DCDC2: variants seen among roughly 807,000 people sequenced by gnomAD.
The protein encoded by DCDC2 is doublecortin domain-containing protein 2.
Under a neutral mutation model 50.2 loss-of-function variants are expected in DCDC2, and 40 were observed. The observed-to-expected ratio is 0.80, with a 90% CI of 0.62 to 1.04. The LOEUF (loss-of-function observed/expected upper bound fraction) is 1.04, where lower values mean the gene tolerates loss of function less well. DCDC2 is among the 50% of genes least tolerant of loss of function. The pLI, the probability that DCDC2 is intolerant of heterozygous loss-of-function variation, is 0.00. For synonymous variants in DCDC2, 234 were observed against 210.6 expected, an observed-to-expected ratio of 1.11 and a Z score of -0.96; for missense variants, 570 against 581.9, an observed-to-expected ratio of 0.98 and a Z score of 0.21.
At chr6:24,221,002 T>C (rs1762107946) in intron 7 of DCDC2, among the ~76,000 whole-genome samples, 2 of 78,928 alleles carry the variant, frequency 2.5e-5, no homozygotes, top group South Asian at 6.8e-4. Context: ...GAGAACAGCA[T>C]GCAGGAACTG....
At chr6:24,304,249 G>A (rs1333132946) in intron 2 of DCDC2, among the ~76,000 whole-genome samples, 1 of 152,186 alleles carries the variant, frequency 6.6e-6, no homozygotes, top group African/African-American at 2.4e-5. Flanking sequence ...TTGGGAGGCT[G>A]AGGCAGGTGG....
intron 4 of DCDC2, among the ~76,000 whole-genome samples, chr6:24,291,389 A>AG (rs957319454): frequency 3.8e-4 from 58 of 152,102 alleles, no homozygotes; most frequent in Middle Eastern, 3.4e-3. Flanking sequence ...ATTTTAGAGG[A>AG]GAAAAATTAA....
intron 7 of DCDC2, among the ~76,000 whole-genome samples, chr6:24,240,176 A>G (rs1762534783): frequency 6.6e-6 from 1 of 152,238 alleles, no homozygotes; most frequent in African/African-American, 2.4e-5. Flanking sequence ...CAACTAGTGT[A>G]GCTACTGACT....
intron 7 of DCDC2, among the ~76,000 whole-genome samples, chr6:24,211,089 G>T (rs1027492950): frequency 7.2e-5 from 11 of 152,036 alleles, no homozygotes; most frequent in African/African-American, 2.7e-4. Context: ...CACTTACTGT[G>T]TTTGTCAGTT....
chr6:24,232,034 CACAT>C lies in DCDC2; in HGVS notation c.923-26936_923-26933del, dbSNP rs1561899863. Among the ~76,000 whole-genome samples the C allele has an allele frequency of 1.4e-4, 20 of 146,964 alleles. 1 individual carries two copies. In the Middle Eastern group the frequency reaches 0.028, roughly 208 times the overall value. ...ACACACACACACACACACACATACACACATACATACATATAACTAAAATGCTCAA... is the reference window on the plus strand; with the variant it reads ...ACACACACACACACACACACATACACACATACATATAACTAAAATGCTCAA... On this transcript the variant is annotated intron_variant, in intron 7 of 9. Coordinates refer to ENST00000378454, the MANE Select transcript of DCDC2 (RefSeq NM_016356.5).
At chr6:24,235,940 A>G (rs1762432615) in intron 7 of DCDC2, among the ~76,000 whole-genome samples, 1 of 152,254 alleles carries the variant, frequency 6.6e-6, no homozygotes, top group Non-Finnish European at 1.5e-5. Flanking sequence ...TACACTGCTG[A>G]AAGAAATCAT....
chr6:24,207,256 T>TTCTCTCTCTCTCTC (rs60603298), intron 7 of DCDC2, among the ~76,000 whole-genome samples: 4,509 of 129,488 alleles, frequency 0.035, 114 homozygotes, highest in East Asian at 0.088. Context: ...CCATCTATCT[T>TTCTCTCTCTCTCTC]TCTCTCTCTC....
chr6:24,256,816 T>C (rs1274721014), intron 7 of DCDC2, among the ~76,000 whole-genome samples: 1 of 152,204 alleles, frequency 6.6e-6, no homozygotes, highest in East Asian at 1.9e-4. Context: ...AATTTTACAT[T>C]ATAAATTGAG....
At chr6:24,306,282 T>A (rs1394769213) in intron 2 of DCDC2, among the ~76,000 whole-genome samples, 1 of 152,138 alleles carries the variant, frequency 6.6e-6, no homozygotes, top group Non-Finnish European at 1.5e-5. Flanking sequence ...TTTGACTTTG[T>A]CATTTGGTGA....
At chr6:24,191,538 G>A (rs140897104) in intron 8 of DCDC2, among the ~76,000 whole-genome samples, 1,874 of 152,254 alleles carry the variant, frequency 0.012, 23 homozygotes, top group Non-Finnish European at 0.018. Context: ...TACAGCCTGT[G>A]GAAGTCTGAA....
chr6:24,230,880 C>A (rs1762325189), intron 7 of DCDC2, among the ~76,000 whole-genome samples: 1 of 152,242 alleles, frequency 6.6e-6, no homozygotes, highest in Non-Finnish European at 1.5e-5. Context: ...TCTTCTACCA[C>A]TATCTTCATT....
chr6:24,277,405 C>T (rs919149771), intron 7 of DCDC2, among the ~76,000 whole-genome samples: 7 of 152,170 alleles, frequency 4.6e-5, no homozygotes, highest in Admixed American at 3.9e-4. Context: ...AACCAAAAGT[C>T]GCCCCTCTTA....
chr6:24,215,733 C>T (rs71555135), intron 7 of DCDC2, among the ~76,000 whole-genome samples: 367 of 152,216 alleles, frequency 2.4e-3, no homozygotes, highest in Middle Eastern at 6.8e-3. Context: ...CAGGACGCTC[C>T]GAAGCATAGG....
At chr6:24,209,784 G>A (rs1420421159) in intron 7 of DCDC2, among the ~76,000 whole-genome samples, 1 of 152,086 alleles carries the variant, frequency 6.6e-6, no homozygotes, top group Non-Finnish European at 1.5e-5. Flanking sequence ...GTGAGCTCTT[G>A]GGAAAAGTAA....
upstream of DCDC2, among the ~76,000 whole-genome samples, chr6:24,359,504 T>A (rs562469682): frequency 2.0e-5 from 2 of 100,328 alleles, no homozygotes; most frequent in African/African-American, 8.1e-5. Flanking sequence ...TTATATATAT[T>A]TTATATATTA....
chr6:24,197,281 T>A (rs540983518), intron 8 of DCDC2, among the ~76,000 whole-genome samples: 1 of 152,350 alleles, frequency 6.6e-6, no homozygotes, highest in South Asian at 2.1e-4. Context: ...CTCCCCTTCC[T>A]GAGGATCATC....
At chr6:24,376,737 C>CAA in the DCDC2 span, among the ~76,000 whole-genome samples, 13,063 of 46,420 alleles carry the variant, frequency 0.28, 2,239 homozygotes, top group African/African-American at 0.33. Flanking sequence ...CAGGTATATG[C>CAA]AAAAAAAAAA....
intron 4 of DCDC2, among the ~76,000 whole-genome samples, chr6:24,294,417 C>G (rs1241960937): frequency 6.6e-6 from 1 of 151,880 alleles, no homozygotes; most frequent in Non-Finnish European, 1.5e-5. Flanking sequence ...AGAACTAAAG[C>G]AGCAAGAACA....
intron 8 of DCDC2, among the ~76,000 whole-genome samples, chr6:24,204,098 A>G (rs762933515): frequency 3.3e-5 from 5 of 152,138 alleles, no homozygotes; most frequent in African/African-American, 7.2e-5. Flanking sequence ...AAGGATCTAG[A>G]GCCAGAAATA....
Sources: gnomAD v4.1 joint callset for allele counts (sites outside exome capture counted in the v4.1 genomes callset) on GRCh38, gnomAD v4.1.1 for gene constraint, MANE v1.5 for transcripts, NCBI Gene and HGNC (gene_info 2026-07-23, HGNC 2026-07-21) for gene names.